ZNF536: variants seen among roughly 807,000 people sequenced by gnomAD.
ZNF536 encodes zinc finger protein 536.
ZNF536 carries 13 observed loss-of-function variants against 84.5 expected under a neutral mutation model. That is an observed-to-expected ratio of 0.15 (90% CI 0.10 to 0.24). The LOEUF is 0.24. Among genes scored for constraint, ZNF536 ranks in the 10% least tolerant of loss-of-function variants. ZNF536 has a pLI of 1.00. For missense variants in ZNF536, 1,536 were observed against 1,747.5 expected, an observed-to-expected ratio of 0.88 and a Z score of 2.16; for synonymous variants, 811 against 742.5, an observed-to-expected ratio of 1.09 and a Z score of -1.50.
chr19:30,619,883 T>C (rs1207892423), intron 1 of ZNF536, among the ~76,000 whole-genome samples: 1 of 152,192 alleles, frequency 6.6e-6, no homozygotes, highest in African/African-American at 2.4e-5. Flanking sequence ...GCCAGGCAAG[T>C]GACATGAAAG....
intron 1 of ZNF536, among the ~76,000 whole-genome samples, chr19:30,273,209 T>TTG (rs59032608): frequency 0.035 from 5,328 of 150,412 alleles, 116 homozygotes; most frequent in Non-Finnish European, 0.05. Flanking sequence ...GCCATGCAGA[T>TTG]TGTGTGTGTG....
At chr19:30,705,931 A>T (rs1207138099) in intron 1 of ZNF536, among the ~76,000 whole-genome samples, 1 of 152,234 alleles carries the variant, frequency 6.6e-6, no homozygotes, top group African/African-American at 2.4e-5. Context: ...GAGATTCAAA[A>T]TATAACCATA....
intron 2 of ZNF536, among the ~76,000 whole-genome samples, chr19:30,304,853 A>T (rs1340382104): frequency 6.6e-6 from 1 of 152,222 alleles, no homozygotes; most frequent in African/African-American, 2.4e-5. Context: ...GGACCAGCCC[A>T]AGTTCTCATG....
At chr19:30,701,826 T>C (rs771327202) in intron 1 of ZNF536, among the ~76,000 whole-genome samples, 1 of 152,198 alleles carries the variant, frequency 6.6e-6, no homozygotes, top group African/African-American at 2.4e-5. Flanking sequence ...GTCTGTAAGG[T>C]GGGAAGACAT....
At chr19:30,453,740 T>C (rs1434633820) in intron 2 of ZNF536, among the ~76,000 whole-genome samples, 1 of 152,230 alleles carries the variant, frequency 6.6e-6, no homozygotes, top group Non-Finnish European at 1.5e-5. Context: ...ACCTGATGGG[T>C]GGGCCTGGGC....
At chr19:30,349,269 A>C (rs1168317945) in intron 2 of ZNF536, among the ~76,000 whole-genome samples, 1 of 152,242 alleles carries the variant, frequency 6.6e-6, no homozygotes, top group Non-Finnish European at 1.5e-5. Flanking sequence ...TAAGTAGAGC[A>C]TTCATAATGG....
intron 2 of ZNF536, among the ~76,000 whole-genome samples, chr19:30,529,062 G>A (rs1235780204): frequency 2.6e-5 from 4 of 151,970 alleles, no homozygotes. Context: ...GACTTGCTTG[G>A]GATAGTTGGA....
chr19:30,405,412 C>A (rs979868360), intron 1 of ZNF536, among the ~76,000 whole-genome samples: 4 of 152,120 alleles, frequency 2.6e-5, no homozygotes, highest in Non-Finnish European at 5.9e-5. Flanking sequence ...TATATAATAA[C>A]ACCGCACTGC....
At chr19:30,706,362 G>A (rs188278432) in intron 1 of ZNF536, among the ~76,000 whole-genome samples, 25 of 151,890 alleles carry the variant, frequency 1.6e-4, no homozygotes, top group East Asian at 7.8e-4. Flanking sequence ...TGGCGGGTGC[G>A]TGTAGTCCCA....
chr19:30,356,020 C>T (rs1313135249), intron 3 of ZNF536, among the ~76,000 whole-genome samples: 1 of 152,216 alleles, frequency 6.6e-6, no homozygotes, highest in Non-Finnish European at 1.5e-5. Context: ...AGCCACTGTG[C>T]CTGGCCCAGA....
chr19:30,404,165 G>A (rs776019465), intron 1 of ZNF536, among the ~76,000 whole-genome samples: 6 of 152,114 alleles, frequency 3.9e-5, no homozygotes, highest in Non-Finnish European at 7.4e-5. Context: ...CGTTGCCCAC[G>A]CAGGGCCTGC....
At chr19:30,373,031 C>A (rs1222679104) in intron 1 of ZNF536, among the ~76,000 whole-genome samples, 1 of 152,140 alleles carries the variant, frequency 6.6e-6, no homozygotes, top group Non-Finnish European at 1.5e-5. Context: ...TGAAAAATTA[C>A]CATACCACAC....
chr19:30,392,331 G>C (rs1373600987), intron 1 of ZNF536, among the ~76,000 whole-genome samples: 2 of 152,086 alleles, frequency 1.3e-5, no homozygotes, highest in Non-Finnish European at 2.9e-5. Context: ...ATGAAGGGAG[G>C]TTAGGAGCAG....
At chr19:30,529,478 C>T (rs2044718980) in intron 2 of ZNF536, among the ~76,000 whole-genome samples, 1 of 152,122 alleles carries the variant, frequency 6.6e-6, no homozygotes, top group South Asian at 2.1e-4. Context: ...CTAAAATGAT[C>T]CGTAGCCATT....
intron 2 of ZNF536, among the ~76,000 whole-genome samples, chr19:30,350,106 A>T (rs1301213741): frequency 6.6e-6 from 1 of 152,074 alleles, no homozygotes; most frequent in Non-Finnish European, 1.5e-5. Flanking sequence ...GCCATTTTTC[A>T]TGACTTGTTT....
chr19:30,552,058 T>C (rs1213514068), intron 4 of ZNF536, among the ~76,000 whole-genome samples: 2 of 152,122 alleles, frequency 1.3e-5, no homozygotes, highest in African/African-American at 4.8e-5. Context: ...AATAGTGTAA[T>C]TCACTCTCTT....
intron 1 of ZNF536, among the ~76,000 whole-genome samples, chr19:30,587,424 G>A (rs934465462): frequency 3.3e-5 from 5 of 152,062 alleles, no homozygotes; most frequent in East Asian, 3.9e-4. Flanking sequence ...CCCATTCTCC[G>A]AGCCACTTAA....
At chr19:30,600,523 G>A (rs1306633596) in intron 1 of ZNF536, among the ~76,000 whole-genome samples, 1 of 152,230 alleles carries the variant, frequency 6.6e-6, no homozygotes, top group Admixed American at 6.5e-5. Context: ...TATGGTTCCA[G>A]GGTTCCAGGC....
intron 1 of ZNF536, among the ~76,000 whole-genome samples, chr19:30,611,104 G>A (rs1470356036): frequency 1.3e-5 from 2 of 152,152 alleles, no homozygotes; most frequent in Non-Finnish European, 2.9e-5. Flanking sequence ...GGTTAGGAGA[G>A]GGGGAGACCA....
Sources: gnomAD v4.1 joint callset for allele counts (sites outside exome capture counted in the v4.1 genomes callset) on GRCh38, gnomAD v4.1.1 for gene constraint, MANE v1.5 for transcripts, NCBI Gene and HGNC (gene_info 2026-07-23, HGNC 2026-07-21) for gene names.